The following CFDP1 variants were observed in gnomAD, a reference collection of about 807,000 sequenced individuals.
CFDP1 encodes the protein chromatin remodeling protein CFDP1.
A neutral mutation model predicts 40.1 loss-of-function variants in CFDP1; 31 were observed. The ratio of observed to expected loss-of-function variants is 0.77; its 90% confidence interval spans 0.58 to 1.04. CFDP1 has a LOEUF of 1.04. Among genes scored for constraint, CFDP1 ranks in the 50% least tolerant of loss-of-function variants. The probability of loss-of-function intolerance (pLI) is 0.00; values close to 1 mark genes in which losing one functional copy is unlikely to be tolerated. For missense variants in CFDP1, 423 were observed against 343.4 expected, an observed-to-expected ratio of 1.23 and a Z score of -1.83; for synonymous variants, 167 against 120.0, an observed-to-expected ratio of 1.39 and a Z score of -2.56.
chr16:75,361,070 C>CGT (rs1223811497), intron 5 of CFDP1, among the ~76,000 whole-genome samples: 1 of 152,038 alleles, frequency 6.6e-6, no homozygotes, highest in African/African-American at 2.4e-5. Context: ...AGTGTAGTGG[C>CGT]GTGATCTTGG....
chr16:75,319,069 G>T (rs573055147), intron 5 of CFDP1, among the ~76,000 whole-genome samples: 7 of 152,024 alleles, frequency 4.6e-5, no homozygotes, highest in African/African-American at 1.4e-4. Context: ...ATTTTTTTGA[G>T]ATGAAGTTTC....
intron 5 of CFDP1, among the ~76,000 whole-genome samples, chr16:75,385,539 GA>G (rs199500446): frequency 6.6e-5 from 7 of 106,210 alleles, no homozygotes; most frequent in African/African-American, 1.4e-4. Flanking sequence ...TAGTAGAGTT[GA>G]AAAAAAAAAT....
At chr16:75,331,857 C>T (rs1046818632) in intron 5 of CFDP1, among the ~76,000 whole-genome samples, 2 of 152,046 alleles carry the variant, frequency 1.3e-5, no homozygotes, top group African/African-American at 2.4e-5. Context: ...ATAGAGTGGG[C>T]GTATATTTAA....
chr16:75,382,592 C>T (rs532585182), intron 5 of CFDP1, among the ~76,000 whole-genome samples: 1 of 152,290 alleles, frequency 6.6e-6, no homozygotes, highest in Admixed American at 6.5e-5. Context: ...GAAATGGTAT[C>T]AAAAATTTGG....
At chr16:75,327,596 T>C (rs1380886649) in intron 5 of CFDP1, among the ~76,000 whole-genome samples, 1 of 151,842 alleles carries the variant, frequency 6.6e-6, no homozygotes, top group Non-Finnish European at 1.5e-5. Flanking sequence ...GGAAAAAAAA[T>C]TGTGATGGGG....
chr16:75,322,217 A>G (rs1349189923), intron 5 of CFDP1, among the ~76,000 whole-genome samples: 1 of 152,384 alleles, frequency 6.6e-6, no homozygotes, highest in Non-Finnish European at 1.5e-5. Context: ...GAATATTAGA[A>G]TATCTGGGCA....
chr16:75,416,774 A>T (rs570419446), intron 1 of CFDP1, among the ~76,000 whole-genome samples: 18 of 152,134 alleles, frequency 1.2e-4, no homozygotes, highest in Admixed American at 9.8e-4. Context: ...AAATTAAAAA[A>T]TTTTTTAAAG....
intron 5 of CFDP1, among the ~76,000 whole-genome samples, chr16:75,307,319 G>A (rs1430190045): frequency 2.6e-5 from 4 of 151,976 alleles, no homozygotes; most frequent in South Asian, 2.1e-4. Flanking sequence ...GGGTTCAAGC[G>A]ATTCTCCTGT....
chr16:75,433,270 C>A lies in CFDP1; in HGVS notation c.64+19G>T, dbSNP rs756591611. On this transcript the variant is annotated intron_variant, in intron 1 of 6. Coordinates refer to ENST00000283882, the MANE Select transcript of CFDP1 (RefSeq NM_006324.3). ...TGGGGCGGGGCAATTCGCTTCTCGCCTCAGGCGGAATCGCTCACCCGACGG... is the reference window on the plus strand; with the variant it reads ...TGGGGCGGGGCAATTCGCTTCTCGCATCAGGCGGAATCGCTCACCCGACGG... 2 of 1,589,532 alleles carry A rather than the reference C, an allele frequency of 1.3e-6. No individual in the cohort carries two copies. Among genetic ancestry groups the A allele is most frequent in the Admixed American group, 1.7e-5 (1 of 58,298 alleles).
chr16:75,397,213 G>GT (rs536912751), intron 4 of CFDP1, among the ~76,000 whole-genome samples: 115 of 149,752 alleles, frequency 7.7e-4, no homozygotes, highest in African/African-American at 1.9e-3. Flanking sequence ...TGCGCCCAGC[G>GT]TTTTTTTGTT....
chr16:75,408,707 G>A (rs1386487423), intron 4 of CFDP1, among the ~76,000 whole-genome samples: 2 of 151,586 alleles, frequency 1.3e-5, no homozygotes, highest in Non-Finnish European at 2.9e-5. Flanking sequence ...ACCAGAAGGC[G>A]GAGGTTGCAG....
chr16:75,316,235 T>C (rs964729301), intron 5 of CFDP1, among the ~76,000 whole-genome samples: 1 of 152,204 alleles, frequency 6.6e-6, no homozygotes, highest in Non-Finnish European at 1.5e-5. Flanking sequence ...GCCAGAACTC[T>C]CACTTGTAAA....
Position 75,298,395 on chromosome 16 carries a change from C to T in CFDP1, c.810-4353G>A, listed in dbSNP as rs149355904. Among the ~76,000 whole-genome samples, 443 of 152,262 alleles carry T rather than the reference C, an allele frequency of 2.9e-3. 3 individuals carry two copies. The highest frequency in any genetic ancestry group is 9.6e-3 in the African/African-American group (398 of 41,540). ...GAAGTCCCTGAGATGCCTCCTGCAC[C>T]GCTGGTCAGGAAGAGGGAGAGCACA... On this transcript the variant is annotated intron_variant, in intron 6 of 6. Coordinates refer to ENST00000283882, the MANE Select transcript of CFDP1 (RefSeq NM_006324.3).
intron 4 of CFDP1, among the ~76,000 whole-genome samples, chr16:75,401,866 A>G (rs2079057973): frequency 6.6e-6 from 1 of 152,172 alleles, no homozygotes; most frequent in African/African-American, 2.4e-5. Context: ...AAAATATGGC[A>G]TGGCCTTTGC....
In CFDP1 at chr16:75,305,106, T is replaced by G; in HGVS notation, c.727A>C (p.Lys243Gln). 8.1e-6 allele frequency: 13 copies of G among 1,614,152 alleles called. No homozygotes were observed. Among genetic ancestry groups the G allele is most frequent in the Non-Finnish European group, 1.1e-5 (13 of 1,180,012 alleles). The change falls in exon 6 of 7, where the codon AAG becomes CAG. Residue 243 changes from lysine (K) to glutamine (Q), a missense_variant. Coordinates refer to ENST00000283882, the MANE Select transcript of CFDP1 (RefSeq NM_006324.3). ...AKKQKMSTLE[K>Q]SKLDWESFKE... The stretch of plus-strand genomic sequence containing the variant: ...AAGCTCTCCCAGTCCAGTTTGGACT[T>G]CTCAAGGGTGCTCATTTTCTGCTTC...
At chr16:75,388,662 G>A (rs1276054922) in intron 5 of CFDP1, among the ~76,000 whole-genome samples, 4 of 152,186 alleles carry the variant, frequency 2.6e-5, no homozygotes, top group Non-Finnish European at 5.9e-5. Flanking sequence ...TTGGCCAAAT[G>A]AGGAGACTGG....
At position 75,411,811 on chromosome 16, in the gene CFDP1, G is replaced by A. The variant is rs1216946732; in HGVS notation, c.530+14C>T. On this transcript the variant is annotated intron_variant, in intron 4 of 6. Coordinates refer to ENST00000283882, the MANE Select transcript of CFDP1 (RefSeq NM_006324.3). ...TGAAAATGCTAGTTTCAAAGTTTTT[G>A]AAGGTTCTCTTACCTTACTTCTTCA... is the stretch of plus-strand genomic sequence containing the variant. The A allele has an allele frequency of 1.2e-6, 2 of 1,602,986 alleles. No homozygotes were observed. Among genetic ancestry groups the A allele is most frequent in the African/African-American group, 2.7e-5 (2 of 74,048 alleles).
In CFDP1 at chr16:75,412,638, A is replaced by T. The variant is rs375543202; in HGVS notation, c.299T>A (p.Ile100Asn). ...EDDAAEQEKG[I>N]GSEDARKKKE... ...CTTTTTCCTGGCATCCTCTGATCCAATGCCTTTTTCCTGCTCTGCAGCGTC... is the reference window on the plus strand; with the variant it reads ...CTTTTTCCTGGCATCCTCTGATCCATTGCCTTTTTCCTGCTCTGCAGCGTC... Residue 100 changes from isoleucine to asparagine, a missense_variant, in exon 3 of 7, where the codon ATT (isoleucine) becomes AAT (asparagine). Ile to Asn is a moderately radical substitution (Grantham distance 149). Coordinates refer to ENST00000283882, the MANE Select transcript of CFDP1 (RefSeq NM_006324.3). 2 of 1,614,006 alleles carry T rather than the reference A, an allele frequency of 1.2e-6. No homozygotes were observed. The highest frequency in any genetic ancestry group is 1.7e-6 in the Non-Finnish European group (2 of 1,180,026).
At chr16:75,426,855 G>C (rs576723492) in intron 1 of CFDP1, among the ~76,000 whole-genome samples, 10 of 152,168 alleles carry the variant, frequency 6.6e-5, no homozygotes, top group Admixed American at 3.9e-4. Context: ...GGGAGTTGGA[G>C]ACCAGCCTGG....
Sources: allele counts gnomAD v4.1 joint callset (sites outside exome capture counted in the v4.1 genomes callset), GRCh38; gene constraint gnomAD v4.1.1; transcripts MANE v1.5; gene names NCBI Gene and HGNC (gene_info 2026-07-23, HGNC 2026-07-21).